Variants in SOX6 observed in about 807,000 individuals in gnomAD.
The protein encoded by SOX6 is SRY-box transcription factor 6.
In SOX6, 11 loss-of-function variants were observed where a neutral mutation model predicts 97.8. The observed-to-expected ratio is 0.11, with a 90% CI of 0.07 to 0.19. The LOEUF (loss-of-function observed/expected upper bound fraction) is 0.19. Among genes scored for constraint, SOX6 ranks in the 10% least tolerant of loss-of-function variants. The probability of loss-of-function intolerance (pLI) is 1.00; values close to 1 mark genes in which losing one functional copy is unlikely to be tolerated. For missense variants in SOX6, 810 were observed against 1,039.5 expected, an observed-to-expected ratio of 0.78 and a Z score of 3.04; for synonymous variants, 360 against 371.4, an observed-to-expected ratio of 0.97 and a Z score of 0.35.
At chr11:16,487,194 TG>T (rs1215572430) in intron 4 of SOX6, among the ~76,000 whole-genome samples, 1 of 152,184 alleles carries the variant, frequency 6.6e-6, no homozygotes, top group Non-Finnish European at 1.5e-5. Flanking sequence ...AATAAAATAA[TG>T]ATTTTTTAAA....
intron 1 of SOX6, among the ~76,000 whole-genome samples, chr11:16,410,162 C>A (rs1446235157): frequency 6.6e-6 from 1 of 151,864 alleles, no homozygotes; most frequent in African/African-American, 2.4e-5. Flanking sequence ...TATATCATAT[C>A]CCAGTGTATC....
At chr11:16,421,625 G>A (rs1859023481) in intron 1 of SOX6, among the ~76,000 whole-genome samples, 1 of 152,138 alleles carries the variant, frequency 6.6e-6, no homozygotes, top group Non-Finnish European at 1.5e-5. Flanking sequence ...CAATGATATT[G>A]TACAAAAGAA....
intron 2 of SOX6, among the ~76,000 whole-genome samples, chr11:16,730,354 C>T (rs1358221462): frequency 6.6e-6 from 1 of 152,080 alleles, no homozygotes; most frequent in East Asian, 1.9e-4. Flanking sequence ...AAGTAAAACA[C>T]TCCTCAGCAA....
upstream of SOX6, among the ~76,000 whole-genome samples, chr11:16,477,178 A>G (rs1011100099): frequency 1.3e-5 from 2 of 152,222 alleles, no homozygotes; most frequent in African/African-American, 4.8e-5. Context: ...AAATGTGAGC[A>G]TGGCTGTGAG....
chr11:16,479,436 A>AG (rs1860305956), upstream of SOX6, among the ~76,000 whole-genome samples: 1 of 152,044 alleles, frequency 6.6e-6, no homozygotes, highest in Non-Finnish European at 1.5e-5. Flanking sequence ...AGGCTGAGAC[A>AG]TGAGAATCAC....
At chr11:16,094,490 G>C (rs1360282874) in intron 9 of SOX6, among the ~76,000 whole-genome samples, 1 of 151,930 alleles carries the variant, frequency 6.6e-6, no homozygotes, top group Non-Finnish European at 1.5e-5. Flanking sequence ...CCCACCAGGA[G>C]AGGAAACAGA....
At chr11:16,147,183 A>G (rs1483534469) in intron 6 of SOX6, among the ~76,000 whole-genome samples, 5 of 152,108 alleles carry the variant, frequency 3.3e-5, no homozygotes, top group Admixed American at 3.3e-4. Flanking sequence ...ATAAAAAAGG[A>G]TGAATTCATG....
At chr11:16,643,165 T>G (rs1237780675) in intron 3 of SOX6, among the ~76,000 whole-genome samples, 1 of 152,224 alleles carries the variant, frequency 6.6e-6, no homozygotes, top group Non-Finnish European at 1.5e-5. Context: ...CTGTTGGGGT[T>G]TGCTGGAGGT....
chr11:16,007,656 G>C (rs963242268), intron 13 of SOX6, among the ~76,000 whole-genome samples: 1 of 152,106 alleles, frequency 6.6e-6, no homozygotes, highest in African/African-American at 2.4e-5. Context: ...ATTACCTTAA[G>C]GTTAGGCTGA....
chr11:16,419,315 A>G (rs1283866172), intron 1 of SOX6, among the ~76,000 whole-genome samples: 2 of 152,186 alleles, frequency 1.3e-5, no homozygotes, highest in Non-Finnish European at 2.9e-5. Context: ...TAGAGTTTAA[A>G]TGAGTATGGT....
intron 4 of SOX6, among the ~76,000 whole-genome samples, chr11:16,199,431 A>T (rs1220065934): frequency 6.6e-6 from 1 of 152,216 alleles, no homozygotes; most frequent in Non-Finnish European, 1.5e-5. Flanking sequence ...TATGTCCAAG[A>T]TCACACAGCT....
chr11:16,028,153 TTAATG>T (rs1404249470), intron 12 of SOX6, among the ~76,000 whole-genome samples: 1 of 152,252 alleles, frequency 6.6e-6, no homozygotes, highest in Admixed American at 6.5e-5. Context: ...AGCCTGCTAA[TTAATG>T]TAGCAGATAA....
chr11:16,145,051 A>G (rs1850254014), intron 6 of SOX6, among the ~76,000 whole-genome samples: 1 of 152,216 alleles, frequency 6.6e-6, no homozygotes, highest in East Asian at 1.9e-4. Context: ...CAACAAAAAA[A>G]GAGAATTTTC....
At chr11:16,297,786 G>C (rs937440916) in intron 3 of SOX6, among the ~76,000 whole-genome samples, 4 of 152,118 alleles carry the variant, frequency 2.6e-5, no homozygotes, top group African/African-American at 9.7e-5. Context: ...TTATTAAAAG[G>C]GGATATAAAA....
At chr11:16,127,228 AACG>A (rs1209091474) in intron 6 of SOX6, among the ~76,000 whole-genome samples, 2 of 150,978 alleles carry the variant, frequency 1.3e-5, no homozygotes, top group Admixed American at 1.3e-4. Flanking sequence ...TAACAACAAC[AACG>A]AAGGCTGCTA....
intron 7 of SOX6, 119 bp downstream of exon 7, chr11:16,111,684 G>A: frequency 7.5e-7 from 1 of 1,333,108 alleles, no homozygotes. Flanking sequence ...TTTAAAATAA[G>A]CTTTTATGAT....
intron 2 of SOX6, among the ~76,000 whole-genome samples, chr11:16,721,861 G>C (rs1000349066): frequency 2.6e-5 from 4 of 151,722 alleles, no homozygotes; most frequent in Non-Finnish European, 5.9e-5. Flanking sequence ...AAATGGAACA[G>C]AATAGAGCCC....
chr11:16,095,922 A>AG, intron 9 of SOX6, 74 bp downstream of exon 9: 2 of 1,533,354 alleles, frequency 1.3e-6, no homozygotes, highest in Admixed American at 2.0e-5. Context: ...TTTAAAAAAA[A>AG]AAAAAAAAAG....
At chr11:16,704,718 T>C (rs948128917) in intron 3 of SOX6, among the ~76,000 whole-genome samples, 1 of 152,226 alleles carries the variant, frequency 6.6e-6, no homozygotes, top group African/African-American at 2.4e-5. Context: ...TAATCTAAAC[T>C]GAATTCTACC....
Sources: gnomAD v4.1 joint callset for allele counts (sites outside exome capture counted in the v4.1 genomes callset) on GRCh38, gnomAD v4.1.1 for gene constraint, MANE v1.5 for transcripts, NCBI Gene and HGNC (gene_info 2026-07-23, HGNC 2026-07-21) for gene names.